FMN2: variants seen among roughly 807,000 people sequenced by gnomAD.
FMN2 encodes formin-2.
A neutral mutation model predicts 142.3 loss-of-function variants in FMN2; 51 were observed. The observed-to-expected ratio is 0.36, with a 90% confidence interval of 0.29 to 0.45. The LOEUF (loss-of-function observed/expected upper bound fraction) is 0.45. FMN2 is among the 20% of genes least tolerant of loss of function. The pLI is 1.00. For synonymous variants in FMN2, 882 were observed against 869.8 expected (o/e 1.01, Z -0.25); for missense variants, 1,936 against 2,122.8 (o/e 0.91, Z 1.73).
At chr1:240,131,328 C>G (rs1662725707) in intron 2 of FMN2, among the ~76,000 whole-genome samples, 1 of 152,144 alleles carries the variant, frequency 6.6e-6, no homozygotes, top group Non-Finnish European at 1.5e-5. Context: ...AGGTTTTTAA[C>G]TGGGTCTCCT....
At chr1:240,217,011 C>T (rs1011447115) in intron 6 of FMN2, among the ~76,000 whole-genome samples, 27 of 152,086 alleles carry the variant, frequency 1.8e-4, no homozygotes, top group African/African-American at 5.6e-4. Flanking sequence ...CATCATTCAG[C>T]TGCTCTTATA....
chr1:240,206,704 T>C (rs556414909), intron 4 of FMN2, 95 bp from the exon 5 acceptor site: 28 of 1,377,882 alleles, frequency 2.0e-5, no homozygotes, highest in Non-Finnish European at 2.6e-5. Flanking sequence ...CTTCTGGAAG[T>C]ATGACAACAA....
At chr1:240,390,871 T>C (rs1299777834) in intron 14 of FMN2, among the ~76,000 whole-genome samples, 1 of 152,266 alleles carries the variant, frequency 6.6e-6, no homozygotes. Flanking sequence ...TTCCTTCTTC[T>C]AATCTGCCTG....
rs373147879 is a variant in FMN2, at chr1:240,161,094, T to A, written c.1783-16827T>A. 7.2e-5 allele frequency among the ~76,000 whole-genome samples: 11 copies of A among 152,050 alleles called. No individual in the cohort carries two copies. In the East Asian group the frequency reaches 7.7e-4, roughly 11 times the overall value. ...CAGAAATGACAAGTATATGAACAGATTTATCATGTTTATGGTTTTGAATTT... is the reference window on the plus strand; with the variant it reads ...CAGAAATGACAAGTATATGAACAGAATTATCATGTTTATGGTTTTGAATTT... On this transcript the variant is annotated intron_variant, in intron 2 of 17. Coordinates refer to ENST00000319653, the MANE Select transcript of FMN2 (RefSeq NM_020066.5).
At chr1:240,229,123 T>C (rs191983052) in intron 6 of FMN2, among the ~76,000 whole-genome samples, 2 of 152,272 alleles carry the variant, frequency 1.3e-5, no homozygotes, top group East Asian at 1.9e-4. Flanking sequence ...TATTTGACAG[T>C]AAACTGGTTT....
chr1:240,248,439 A>ATATATATATATATAACATACATGT (rs1668157883), intron 6 of FMN2, among the ~76,000 whole-genome samples: 1 of 16,582 alleles, frequency 6.0e-5, no homozygotes. Flanking sequence ...TTGGATATAT[A>ATATATATATATATAACATACATGT]TATATATATA....
chr1:240,459,403 A>C (rs1336424134), intron 16 of FMN2: 3 of 152,140 alleles, frequency 2.0e-5, no homozygotes, highest in Non-Finnish European at 4.4e-5. Context: ...ATTGCTATTC[A>C]CTGGACACTC....
chr1:240,278,015 C>A (rs1669275934), intron 7 of FMN2, among the ~76,000 whole-genome samples: 1 of 152,136 alleles, frequency 6.6e-6, no homozygotes, highest in Admixed American at 6.6e-5. Context: ...AGAATAGTTA[C>A]CAACATGCAT....
intron 2 of FMN2, chr1:240,154,580 T>C (rs936346380): frequency 2.0e-5 from 3 of 152,262 alleles, no homozygotes; most frequent in South Asian, 2.1e-4. Flanking sequence ...GGCATCTTCA[T>C]AGGCACATCC....
At chr1:240,423,852 T>C (rs1179938768) in intron 15 of FMN2, among the ~76,000 whole-genome samples, 1 of 152,096 alleles carries the variant, frequency 6.6e-6, no homozygotes, top group Non-Finnish European at 1.5e-5. Flanking sequence ...ACAGTTGAGA[T>C]AGGGAGGGAG....
chr1:240,387,374 T>A (rs531288656), intron 14 of FMN2, among the ~76,000 whole-genome samples: 2 of 152,328 alleles, frequency 1.3e-5, no homozygotes, highest in African/African-American at 4.8e-5. Context: ...AAGCATTTTT[T>A]AAAAATCATT....
chr1:240,159,931 A>C (rs200724016), intron 2 of FMN2, among the ~76,000 whole-genome samples: 2 of 126,440 alleles, frequency 1.6e-5, no homozygotes, highest in African/African-American at 2.8e-5. Flanking sequence ...ATATATATAT[A>C]TTTGTGTATA....
intron 2 of FMN2, among the ~76,000 whole-genome samples, chr1:240,124,710 C>T (rs2103222273): frequency 6.6e-6 from 1 of 152,246 alleles, no homozygotes; most frequent in South Asian, 2.1e-4. Flanking sequence ...CTCTGTTCCC[C>T]AGGCTGGAGT....
chr1:240,439,123 A>G (rs1012626919), intron 16 of FMN2, among the ~76,000 whole-genome samples: 1 of 152,010 alleles, frequency 6.6e-6, no homozygotes, highest in African/African-American at 2.4e-5. Flanking sequence ...AAGTACAAAA[A>G]TTAGCCGGGC....
At chr1:240,129,563 C>T (rs1041872914) in intron 2 of FMN2, among the ~76,000 whole-genome samples, 49 of 138,638 alleles carry the variant, frequency 3.5e-4, no homozygotes, top group African/African-American at 1.3e-3. Flanking sequence ...AGTACAGTGG[C>T]GTGATCTCAA....
intron 14 of FMN2, among the ~76,000 whole-genome samples, chr1:240,361,153 A>G (rs1430331137): frequency 2.7e-4 from 8 of 29,478 alleles, no homozygotes; most frequent in African/African-American, 5.5e-4. Flanking sequence ...ATATATATAT[A>G]TATATATATA....
intron 17 of FMN2, among the ~76,000 whole-genome samples, chr1:240,472,713 G>A (rs1358406558): frequency 6.6e-6 from 1 of 151,926 alleles, no homozygotes; most frequent in South Asian, 2.1e-4. Context: ...TTGGGAGGCC[G>A]AGGTGGGCGG....
chr1:240,336,582 A>AAAAAAAAAGG (rs144682452), intron 13 of FMN2, among the ~76,000 whole-genome samples: 2 of 101,842 alleles, frequency 2.0e-5, no homozygotes, highest in Non-Finnish European at 4.1e-5. Flanking sequence ...AAAAAAAAAA[A>AAAAAAAAAGG]GGTGGTTGCA....
chr1:240,184,255 T>TTTTTTC (rs1301941935), intron 3 of FMN2, among the ~76,000 whole-genome samples: 6 of 143,068 alleles, frequency 4.2e-5, no homozygotes, highest in African/African-American at 1.6e-4. Flanking sequence ...TTTTTTTTTT[T>TTTTTTC]TTTTTGAGAC....
Sources: allele counts gnomAD v4.1 joint callset (sites outside exome capture counted in the v4.1 genomes callset), GRCh38; gene constraint gnomAD v4.1.1; transcripts MANE v1.5; gene names NCBI Gene and HGNC (gene_info 2026-07-23, HGNC 2026-07-21).